TNR: variants seen among roughly 807,000 people sequenced by gnomAD.
The protein encoded by TNR is tenascin R.
Under a neutral mutation model 150.4 loss-of-function variants are expected in TNR, and 45 were observed. That is an observed-to-expected ratio of 0.30 (90% CI 0.24 to 0.38). The LOEUF (loss-of-function observed/expected upper bound fraction) is 0.38. Among genes scored for constraint, TNR ranks in the 10% least tolerant of loss-of-function variants. The pLI is 1.00. For synonymous variants in TNR, 687 were observed against 678.4 expected (o/e 1.01, Z -0.20); for missense variants, 1,544 against 1,759.1 (o/e 0.88, Z 2.19).
At chr1:175,634,313 A>G (rs561032767) in intron 1 of TNR, among the ~76,000 whole-genome samples, 1 of 152,174 alleles carries the variant, frequency 6.6e-6, no homozygotes, top group South Asian at 2.1e-4. Context: ...CCTTCCCTCC[A>G]TTTCATCCAG....
At position 175,638,278 on chromosome 1, in the gene TNR, A is replaced by T. The variant is rs571889460; in HGVS notation, c.-165+104948T>A. 2.0e-5 allele frequency among the ~76,000 whole-genome samples: 3 copies of T among 152,350 alleles called. No homozygotes were observed. The South Asian group carries it at 6.2e-4, about 32-fold the overall frequency. ...CTGGTCAAGAGAACAAATTACAAAA[A>T]GTTTCTTAGTCACTGACAATAACCA... is the stretch of plus-strand genomic sequence containing the variant. On this transcript the variant is annotated intron_variant, in intron 1 of 22. Coordinates refer to ENST00000367674, the MANE Select transcript of TNR (RefSeq NM_003285.3).
At chr1:175,484,290 T>C (rs985785186) in intron 2 of TNR, among the ~76,000 whole-genome samples, 1 of 152,194 alleles carries the variant, frequency 6.6e-6, no homozygotes, top group East Asian at 1.9e-4. Context: ...ACCCCACATA[T>C]TTTTTTATCC....
At chr1:175,346,907 C>G (rs1443587418) in intron 18 of TNR, among the ~76,000 whole-genome samples, 1 of 146,026 alleles carries the variant, frequency 6.8e-6, no homozygotes, top group African/African-American at 2.5e-5. Flanking sequence ...AAAAAAGAAG[C>G]AAAAAAGAAA....
intron 1 of TNR, among the ~76,000 whole-genome samples, chr1:175,735,105 A>T (rs538907452): frequency 6.6e-6 from 1 of 152,338 alleles, no homozygotes; most frequent in Admixed American, 6.5e-5. Flanking sequence ...CAGTCCCTTT[A>T]TAGGTGGCTC....
chr1:175,328,931 T>G (rs1399166920), intron 21 of TNR, among the ~76,000 whole-genome samples: 1 of 152,264 alleles, frequency 6.6e-6, no homozygotes, highest in East Asian at 1.9e-4. Flanking sequence ...CAGGTGATTT[T>G]TTAAATGATT....
intron 2 of TNR, among the ~76,000 whole-genome samples, chr1:175,424,157 G>A (rs951402507): frequency 5.3e-5 from 8 of 152,002 alleles, no homozygotes; most frequent in Non-Finnish European, 5.9e-5. Flanking sequence ...ACCCTATTTC[G>A]AATGAATACT....
chr1:175,431,891 T>C (rs1485082273), intron 2 of TNR, among the ~76,000 whole-genome samples: 3 of 60,392 alleles, frequency 5.0e-5, no homozygotes, highest in Admixed American at 2.5e-4. Flanking sequence ...CATTCATTTC[T>C]CTTGTTTATG....
intron 1 of TNR, among the ~76,000 whole-genome samples, chr1:175,573,948 G>A (rs1178985265): frequency 6.6e-6 from 1 of 152,184 alleles, no homozygotes; most frequent in East Asian, 1.9e-4. Flanking sequence ...AAAAACCTCA[G>A]TCTTCTTCCC....
At chr1:175,708,361 C>T (rs1439181564) in intron 1 of TNR, among the ~76,000 whole-genome samples, 1 of 152,162 alleles carries the variant, frequency 6.6e-6, no homozygotes, top group African/African-American at 2.4e-5. Context: ...AGCTTCCTCC[C>T]TTTCTCCAAA....
At chr1:175,480,059 G>C (rs1657715474) in intron 2 of TNR, among the ~76,000 whole-genome samples, 1 of 152,052 alleles carries the variant, frequency 6.6e-6, no homozygotes, top group Non-Finnish European at 1.5e-5. Flanking sequence ...ACAGGGACTT[G>C]TCTGCCCATG....
At chr1:175,704,881 T>A (rs1666804331) in intron 1 of TNR, among the ~76,000 whole-genome samples, 1 of 152,202 alleles carries the variant, frequency 6.6e-6, no homozygotes, top group African/African-American at 2.4e-5. Context: ...ACGGCTCCCT[T>A]CTTTTTCGGG....
chr1:175,575,713 G>A (rs1281002019), intron 1 of TNR, among the ~76,000 whole-genome samples: 1 of 152,156 alleles, frequency 6.6e-6, no homozygotes, highest in East Asian at 1.9e-4. Context: ...AGACAGCAGT[G>A]GATAGAGCAT....
intron 1 of TNR, among the ~76,000 whole-genome samples, chr1:175,684,769 T>C (rs1666140185): frequency 6.6e-6 from 1 of 152,198 alleles, no homozygotes; most frequent in South Asian, 2.1e-4. Flanking sequence ...GCATTTTCCT[T>C]ATGGAGGTTG....
At position 175,448,600 on chromosome 1, in the gene TNR, C is replaced by T. The variant is rs916606572; in HGVS notation, c.-63-41823G>A. ...CAGACTAGGCCAAGGTTAATGTTCA[C>T]ATGTAACACATAGACACTTAGGTAT... On this transcript the variant is annotated intron_variant, in intron 2 of 22. Transcript: ENST00000367674. Among the ~76,000 whole-genome samples the T allele has an allele frequency of 2.0e-5, 3 of 152,332 alleles. No homozygotes were observed. In the South Asian group the frequency reaches 6.2e-4, roughly 32 times the overall value.
At chr1:175,594,277 A>C (rs10913026) in intron 1 of TNR, among the ~76,000 whole-genome samples, 25,239 of 151,846 alleles carry the variant, frequency 0.17, 3,232 homozygotes, top group African/African-American at 0.35. Context: ...ATATCAGTCA[A>C]TATAGGGAAA....
intron 1 of TNR, among the ~76,000 whole-genome samples, chr1:175,654,059 C>G (rs148244882): frequency 6.6e-6 from 1 of 152,132 alleles, no homozygotes; most frequent in East Asian, 1.9e-4. Context: ...GACTTTTCTC[C>G]ACCCCAGGAG....
intron 18 of TNR, among the ~76,000 whole-genome samples, chr1:175,351,453 T>C (rs1651046447): frequency 6.6e-6 from 1 of 152,190 alleles, no homozygotes; most frequent in Non-Finnish European, 1.5e-5. Context: ...CATCATACTC[T>C]TGAAGGTTAT....
At chr1:175,511,850 T>C (rs2102159966) in intron 2 of TNR, among the ~76,000 whole-genome samples, 1 of 152,326 alleles carries the variant, frequency 6.6e-6, no homozygotes, top group East Asian at 1.9e-4. Flanking sequence ...TTTGGAGCTC[T>C]CTCCTGGCAT....
intron 2 of TNR, among the ~76,000 whole-genome samples, chr1:175,487,351 G>A (rs371663094): frequency 1.3e-5 from 2 of 152,118 alleles, no homozygotes; most frequent in Admixed American, 6.5e-5. Context: ...TGTGCAGCCC[G>A]GTTTCTAAAA....
Sources: allele counts gnomAD v4.1 joint callset (sites outside exome capture counted in the v4.1 genomes callset), GRCh38; gene constraint gnomAD v4.1.1; transcripts MANE v1.5; gene names NCBI Gene and HGNC (gene_info 2026-07-23, HGNC 2026-07-21).